GABRB1: variants seen among roughly 807,000 people sequenced by gnomAD.
The protein encoded by GABRB1 is gamma-aminobutyric acid receptor subunit beta-1.
In GABRB1, 17 loss-of-function variants were observed where a neutral mutation model predicts 51.6. The ratio of observed to expected loss-of-function variants is 0.33; its 90% CI spans 0.23 to 0.49. The LOEUF is 0.49. Among genes scored for constraint, GABRB1 ranks in the 20% least tolerant of loss-of-function variants. GABRB1 has a pLI of 0.99. For synonymous variants in GABRB1, 247 were observed against 218.9 expected (o/e 1.13, Z -1.14); for missense variants, 410 against 600.6 (o/e 0.68, Z 3.32).
chr4:47,279,264 A>C (rs1213405809), intron 4 of GABRB1, among the ~76,000 whole-genome samples: 2 of 152,178 alleles, frequency 1.3e-5, no homozygotes, highest in Non-Finnish European at 2.9e-5. Context: ...ATAAACAAAC[A>C]AACAAAATCT....
chr4:47,279,702 A>G (rs1279879440), intron 4 of GABRB1, among the ~76,000 whole-genome samples: 1 of 151,754 alleles, frequency 6.6e-6, no homozygotes, highest in Non-Finnish European at 1.5e-5. Flanking sequence ...AAATAAATCT[A>G]TTTTGCTTAT....
intron 1 of GABRB1, among the ~76,000 whole-genome samples, chr4:47,009,798 G>A (rs13103906): frequency 6.6e-6 from 1 of 152,208 alleles, no homozygotes; most frequent in Non-Finnish European, 1.5e-5. Context: ...ACCACTGAGT[G>A]ATTGAGGTAG....
At chr4:47,387,335 G>A (rs1038161107) in intron 5 of GABRB1, among the ~76,000 whole-genome samples, 9 of 151,990 alleles carry the variant, frequency 5.9e-5, no homozygotes, top group Non-Finnish European at 1.0e-4. Flanking sequence ...TTTTTTTTAT[G>A]GTGTTATGCA....
intron 5 of GABRB1, among the ~76,000 whole-genome samples, chr4:47,359,169 G>A (rs1726707247): frequency 6.6e-6 from 1 of 152,148 alleles, no homozygotes; most frequent in African/African-American, 2.4e-5. Flanking sequence ...TCATGTGCAA[G>A]TACTGATGGC....
chr4:47,128,740 A>G (rs947631302), intron 3 of GABRB1, among the ~76,000 whole-genome samples: 2 of 151,872 alleles, frequency 1.3e-5, no homozygotes, highest in African/African-American at 2.4e-5. Flanking sequence ...AAAGACCTTT[A>G]TTTTCAGAGG....
intron 4 of GABRB1, among the ~76,000 whole-genome samples, chr4:47,301,204 C>CACT (rs1017247033): frequency 6.6e-6 from 1 of 152,130 alleles, no homozygotes; most frequent in African/African-American, 2.4e-5. Flanking sequence ...TAATGAGATA[C>CACT]ACTACTCTGG....
chr4:47,311,843 T>C (rs1318321119), intron 4 of GABRB1, among the ~76,000 whole-genome samples: 2 of 152,164 alleles, frequency 1.3e-5, no homozygotes, highest in African/African-American at 4.8e-5. Context: ...TAAGAGTAGC[T>C]TGAACCCGCA....
intron 5 of GABRB1, among the ~76,000 whole-genome samples, chr4:47,402,053 G>A (rs1259508928): frequency 6.6e-6 from 1 of 152,196 alleles, no homozygotes; most frequent in Non-Finnish European, 1.5e-5. Context: ...TAGTCTTTCA[G>A]ACACTGGTGA....
At chr4:47,170,335 G>A (rs1029893964) in intron 4 of GABRB1, among the ~76,000 whole-genome samples, 10 of 151,520 alleles carry the variant, frequency 6.6e-5, no homozygotes, top group African/African-American at 2.4e-4. Context: ...TCATGATAAA[G>A]CAAAGTAAAA....
At chr4:47,284,000 A>C (rs1446771371) in intron 4 of GABRB1, among the ~76,000 whole-genome samples, 1 of 147,470 alleles carries the variant, frequency 6.8e-6, no homozygotes, top group South Asian at 2.2e-4. Flanking sequence ...CTGGAGGCTG[A>C]GGCAGGAGAA....
chr4:47,175,708 T>C (rs6834253), intron 4 of GABRB1, among the ~76,000 whole-genome samples: 130,581 of 152,186 alleles, frequency 0.86, 56,029 homozygotes, highest in Middle Eastern at 0.92. Flanking sequence ...GAAATATGTG[T>C]GCAGTATTAT....
chr4:47,362,816 C>T (rs903668586), intron 5 of GABRB1, among the ~76,000 whole-genome samples: 1 of 152,110 alleles, frequency 6.6e-6, no homozygotes, highest in African/African-American at 2.4e-5. Context: ...TGCATATCAG[C>T]TATTGTGTTA....
At chr4:47,236,880 G>A (rs55901960) in intron 4 of GABRB1, among the ~76,000 whole-genome samples, 7,406 of 152,124 alleles carry the variant, frequency 0.049, 339 homozygotes, top group South Asian at 0.19. Context: ...AAAGAAAAAG[G>A]TAAAGTTGTT....
intron 4 of GABRB1, among the ~76,000 whole-genome samples, chr4:47,210,294 C>A (rs1560586752): frequency 1.3e-5 from 2 of 152,108 alleles, no homozygotes; most frequent in African/African-American, 4.8e-5. Flanking sequence ...AGCTTATACA[C>A]TCACTAATGC....
rs373352652 is a variant in GABRB1 at position 47,043,868 on chromosome 4, T to C, written c.240+11384T>C. Reference sequence around the variant, plus strand: ...TAGCTAACCTTGAGAGAGGAAAACATAATGCTAGTCTTCAGGTACTCTTTT... The same window carrying C: ...TAGCTAACCTTGAGAGAGGAAAACACAATGCTAGTCTTCAGGTACTCTTTT... On this transcript the variant is annotated intron_variant, in intron 3 of 8. Coordinates refer to ENST00000295454, the MANE Select transcript of GABRB1 (RefSeq NM_000812.4). Among the ~76,000 whole-genome samples the C allele has an allele frequency of 5.3e-5, 8 of 152,242 alleles. No individual in the cohort carries two copies. In the East Asian group the frequency reaches 7.7e-4, roughly 15 times the overall value.
At chr4:47,060,289 A>G (rs1026033082) in intron 3 of GABRB1, among the ~76,000 whole-genome samples, 4 of 152,208 alleles carry the variant, frequency 2.6e-5, no homozygotes, top group Non-Finnish European at 5.9e-5. Context: ...GTCCTGTCAT[A>G]CCTGAATACC....
At chr4:47,122,791 G>T (rs1451428761) in intron 3 of GABRB1, among the ~76,000 whole-genome samples, 13 of 152,166 alleles carry the variant, frequency 8.5e-5, no homozygotes, top group Admixed American at 4.6e-4. Flanking sequence ...GAACCACAGT[G>T]GGCAAGAAGC....
At chr4:47,136,735 G>A (rs1160269993) in intron 3 of GABRB1, among the ~76,000 whole-genome samples, 5 of 151,812 alleles carry the variant, frequency 3.3e-5, no homozygotes, top group African/African-American at 1.2e-4. Context: ...GTGGTCTCTG[G>A]GTTTCCACAT....
intron 3 of GABRB1, among the ~76,000 whole-genome samples, chr4:47,082,656 G>A (rs1727897176): frequency 6.6e-6 from 1 of 152,084 alleles, no homozygotes; most frequent in South Asian, 2.1e-4. Context: ...ACCTTGGAAT[G>A]TCACTAAAGT....
Sources: gnomAD v4.1 joint callset for allele counts (sites outside exome capture counted in the v4.1 genomes callset) on GRCh38, gnomAD v4.1.1 for gene constraint, MANE v1.5 for transcripts, NCBI Gene and HGNC (gene_info 2026-07-23, HGNC 2026-07-21) for gene names.